Variants in PTPRQ observed in about 807,000 individuals in gnomAD.
PTPRQ encodes protein tyrosine phosphatase receptor type Q, also known as phosphatidylinositol phosphatase PTPRQ.
PTPRQ carries 199 observed loss-of-function variants against 246.0 expected under a neutral mutation model. That is an observed-to-expected ratio of 0.81 (90% CI 0.72 to 0.91). The LOEUF (loss-of-function observed/expected upper bound fraction) is 0.91. Among genes scored for constraint, PTPRQ ranks in the 40% least tolerant of loss-of-function variants. PTPRQ has a pLI of 0.00. For missense variants in PTPRQ, 2,624 were observed against 2,528.4 expected, an observed-to-expected ratio of 1.04 and a Z score of -0.81; for synonymous variants, 869 against 853.2, an observed-to-expected ratio of 1.02 and a Z score of -0.32.
At chr12:80,450,197 A>G (rs1267842014) in intron 3 of PTPRQ, among the ~76,000 whole-genome samples, 1 of 152,088 alleles carries the variant, frequency 6.6e-6, no homozygotes, top group Non-Finnish European at 1.5e-5. Flanking sequence ...TTGGTGTATA[A>G]GAATGCCTGT....
At chr12:80,600,994 A>G (rs981983900) in intron 26 of PTPRQ, among the ~76,000 whole-genome samples, 6 of 151,320 alleles carry the variant, frequency 4.0e-5, no homozygotes, top group African/African-American at 1.2e-4. Context: ...CACGCTGGCC[A>G]TTCTCCTCCT....
chr12:80,578,017 G>A (rs1453499907), intron 25 of PTPRQ, among the ~76,000 whole-genome samples: 2 of 151,680 alleles, frequency 1.3e-5, no homozygotes, highest in Non-Finnish European at 1.5e-5. Flanking sequence ...TTCCACCTAC[G>A]TACTCAGAGT....
At chr12:80,477,583 AG>A (rs1893856339) in intron 8 of PTPRQ, among the ~76,000 whole-genome samples, 1 of 152,214 alleles carries the variant, frequency 6.6e-6, no homozygotes, top group South Asian at 2.1e-4. Context: ...TGAACGACGC[AG>A]AAGACGGGTG....
At chr12:80,613,890 C>T in intron 29 of PTPRQ, 54 bp downstream of exon 29, 1 of 1,429,830 alleles carries the variant, frequency 7.0e-7, no homozygotes, top group South Asian at 1.6e-5. Context: ...AGTTTATGAA[C>T]TTGGCATTTA....
At chr12:80,494,418 T>TA (rs1367008728) in intron 10 of PTPRQ, among the ~76,000 whole-genome samples, 3 of 152,080 alleles carry the variant, frequency 2.0e-5, no homozygotes, top group African/African-American at 7.2e-5. Context: ...TGTATGAACA[T>TA]ATGGTGAAAT....
intron 3 of PTPRQ, among the ~76,000 whole-genome samples, chr12:80,449,347 T>A (rs1337684820): frequency 6.6e-6 from 1 of 152,220 alleles, no homozygotes; most frequent in Non-Finnish European, 1.5e-5. Flanking sequence ...CTGATGGTAG[T>A]TTCTTTTGCT....
At chr12:80,531,795 C>T (rs1004698588) in intron 17 of PTPRQ, among the ~76,000 whole-genome samples, 1 of 151,878 alleles carries the variant, frequency 6.6e-6, no homozygotes, top group African/African-American at 2.4e-5. Context: ...AAAAATAAAC[C>T]CTAAACAGAT....
intron 35 of PTPRQ, among the ~76,000 whole-genome samples, chr12:80,641,045 T>C (rs1038672545): frequency 2.6e-5 from 4 of 152,198 alleles, no homozygotes; most frequent in African/African-American, 9.7e-5. Flanking sequence ...GGTTAACCTG[T>C]AAGGACCAAG....
chr12:80,673,037 C>T, intron 42 of PTPRQ, 132 bp from the exon 43 acceptor site: 1 of 1,331,232 alleles, frequency 7.5e-7, no homozygotes, highest in Non-Finnish European at 9.9e-7. Context: ...AAAGACACTC[C>T]AAAGAAAATC....
In PTPRQ at chr12:80,445,673, G is replaced by C; in HGVS notation, c.346G>C (p.Val116Leu). The C allele has an allele frequency of 1.9e-6, 3 of 1,549,752 alleles. No individual in the cohort carries two copies. The South Asian group carries it at 3.6e-5, about 18-fold the overall frequency. Residue 116 changes from valine to leucine, a missense_variant, in exon 3 of 45, where the codon GTT becomes CTT. Val to Leu is a conservative substitution (Grantham distance 32). Transcript: ENST00000644991. Reference protein sequence around the residue: ...QVRSKPDSLEVLLTNLNPGTT... With the variant: ...QVRSKPDSLELLLTNLNPGTT... ...CAGATCAAAGCCAGACAGTCTGGAA[G>C]TTCTTCTTACTAATCTTAATCCTGG...
Position 80,578,384 on chromosome 12 carries a change from TTTTA to T in PTPRQ, c.4286-9729_4286-9726del, listed in dbSNP as rs1356032479. Among the ~76,000 whole-genome samples the T allele has an allele frequency of 2.0e-5, 3 of 151,824 alleles. No homozygotes were observed. The East Asian group carries it at 5.8e-4, about 29-fold the overall frequency. ...AATCAGAATGGGAAAAAATTTTTATTTTTATTTATTTATTTATTTTTTATGAGAT... is the reference window on the plus strand; with the variant it reads ...AATCAGAATGGGAAAAAATTTTTATTTTTATTTATTTATTTTTTATGAGAT... On this transcript the variant is annotated intron_variant, in intron 25 of 44. Coordinates refer to ENST00000644991, the MANE Select transcript of PTPRQ (RefSeq NM_001145026.2).
At chr12:80,540,336 C>T (rs992864364) in intron 20 of PTPRQ, among the ~76,000 whole-genome samples, 1 of 152,058 alleles carries the variant, frequency 6.6e-6, no homozygotes, top group African/African-American at 2.4e-5. Flanking sequence ...CTCTGCAGCA[C>T]ATCTCTTCTC....
chr12:80,632,070 T>G, intron 33 of PTPRQ, 122 bp from the exon 34 acceptor site: 1 of 1,292,088 alleles, frequency 7.7e-7, no homozygotes, highest in Non-Finnish European at 1.0e-6. Context: ...AGCTGCTACA[T>G]TTTACTAGTA....
chr12:80,505,551 T>C (rs1894929752), intron 14 of PTPRQ, among the ~76,000 whole-genome samples: 1 of 151,874 alleles, frequency 6.6e-6, no homozygotes, highest in African/African-American at 2.4e-5. Flanking sequence ...CCCATATTCT[T>C]GGGAGATGGT....
At chr12:80,569,328 A>G (rs934467111) in intron 25 of PTPRQ, among the ~76,000 whole-genome samples, 2 of 129,994 alleles carry the variant, frequency 1.5e-5, no homozygotes, top group Admixed American at 9.9e-5. Flanking sequence ...TCCATGGTGT[A>G]TATGTGCCCA....
chr12:80,633,183 C>G (rs775280751), intron 34 of PTPRQ, among the ~76,000 whole-genome samples: 18 of 152,322 alleles, frequency 1.2e-4, no homozygotes, highest in Non-Finnish European at 2.1e-4. Flanking sequence ...AAAGCAGAAG[C>G]TTTCAGGCCA....
intron 4 of PTPRQ, among the ~76,000 whole-genome samples, chr12:80,458,426 T>C (rs1893044490): frequency 6.6e-6 from 1 of 152,190 alleles, no homozygotes; most frequent in African/African-American, 2.4e-5. Flanking sequence ...AACTTTCTTA[T>C]GTAATTTATG....
intron 3 of PTPRQ, among the ~76,000 whole-genome samples, chr12:80,446,975 T>C (rs1892573988): frequency 6.6e-6 from 1 of 152,016 alleles, no homozygotes; most frequent in Admixed American, 6.6e-5. Flanking sequence ...TATTTTCAGG[T>C]CTTTGAGAAA....
chr12:80,465,415 C>T (rs1893360562), intron 6 of PTPRQ: 1 of 152,200 alleles, frequency 6.6e-6, no homozygotes, highest in African/African-American at 2.4e-5. Context: ...CAGCCGAATT[C>T]TACCAGAGGT....
Sources: allele counts gnomAD v4.1 joint callset (sites outside exome capture counted in the v4.1 genomes callset), GRCh38; gene constraint gnomAD v4.1.1; transcripts MANE v1.5; gene names NCBI Gene and HGNC (gene_info 2026-07-23, HGNC 2026-07-21).